ZNF532: variants seen among roughly 807,000 people sequenced by gnomAD.
ZNF532 encodes zinc finger protein 532.
ZNF532 carries 22 observed loss-of-function variants against 89.3 expected under a neutral mutation model. The observed-to-expected ratio is 0.25, with a 90% CI of 0.18 to 0.35. The LOEUF (loss-of-function observed/expected upper bound fraction) is 0.35. Ranked by LOEUF, ZNF532 falls within the 10% of genes least tolerant of loss-of-function variation. The pLI, the probability that ZNF532 is intolerant of heterozygous loss-of-function variation, is 1.00. For synonymous variants in ZNF532, 606 were observed against 649.6 expected, an observed-to-expected ratio of 0.93 and a Z score of 1.02; for missense variants, 1,132 against 1,643.4, an observed-to-expected ratio of 0.69 and a Z score of 5.38.
At chr18:58,891,968 G>A (rs1391469810) in intron 2 of ZNF532, among the ~76,000 whole-genome samples, 1 of 152,172 alleles carries the variant, frequency 6.6e-6, no homozygotes, top group Non-Finnish European at 1.5e-5. Context: ...TAAAATACCA[G>A]CCCCCACTCA....
intron 2 of ZNF532, among the ~76,000 whole-genome samples, chr18:58,897,968 T>A (rs937727869): frequency 6.6e-6 from 1 of 152,072 alleles, no homozygotes; most frequent in African/African-American, 2.4e-5. Flanking sequence ...AATAAATAAG[T>A]AAGTAAATAA....
intron 2 of ZNF532, among the ~76,000 whole-genome samples, chr18:58,903,126 C>A (rs975818070): frequency 5.9e-5 from 9 of 152,198 alleles, no homozygotes; most frequent in Non-Finnish European, 1.0e-4. Context: ...TGTGATACGG[C>A]TGTTAACTAT....
rs114199606 is a variant in ZNF532 at position 58,868,196 on chromosome 18, C to T, written c.-18+2617C>T. Among the ~76,000 whole-genome samples the T allele has an allele frequency of 1.6e-3, 239 of 152,334 alleles. 1 individual carries two copies. Among genetic ancestry groups the T allele is most frequent in the African/African-American group, 5.5e-3 (228 of 41,568 alleles). The stretch of plus-strand genomic sequence containing the variant: ...AAGGGAAACTGACTCCATTCCCCAT[C>T]ATGTACTCCTAATCCCAGGACCATC... On this transcript the variant is annotated intron_variant, in intron 2 of 9. Transcript: ENST00000591808.
At chr18:58,951,671 A>G (rs557434165) in intron 6 of ZNF532, among the ~76,000 whole-genome samples, 122 of 18,804 alleles carry the variant, frequency 6.5e-3, no homozygotes, top group African/African-American at 0.039. Flanking sequence ...TTTTTTTGAG[A>G]TGGAGTTTTG....
intron 4 of ZNF532, among the ~76,000 whole-genome samples, chr18:58,937,807 A>T (rs993051738): frequency 2.6e-5 from 4 of 152,232 alleles, no homozygotes; most frequent in African/African-American, 9.6e-5. Flanking sequence ...TGGCCCAGAG[A>T]GGAGCATTAA....
At chr18:58,923,680 T>A (rs2061308454) in intron 3 of ZNF532, among the ~76,000 whole-genome samples, 1 of 152,124 alleles carries the variant, frequency 6.6e-6, no homozygotes, top group African/African-American at 2.4e-5. Context: ...GTCACATGAC[T>A]GTTGGCCAGT....
chr18:58,910,062 C>T (rs1040783429), intron 2 of ZNF532, among the ~76,000 whole-genome samples: 3 of 148,570 alleles, frequency 2.0e-5, no homozygotes, highest in Non-Finnish European at 4.5e-5. Context: ...CATAGCAAGA[C>T]CCTGTCTCTA....
At chr18:58,888,785 A>ATATATAC (rs1568246462) in intron 2 of ZNF532, among the ~76,000 whole-genome samples, 1 of 43,058 alleles carries the variant, frequency 2.3e-5, no homozygotes, top group Non-Finnish European at 3.6e-5. Flanking sequence ...ATATATATAT[A>ATATATAC]AAATATATAT....
intron 7 of ZNF532, among the ~76,000 whole-genome samples, chr18:58,954,994 G>A (rs187608362): frequency 2.0e-5 from 3 of 152,274 alleles, no homozygotes; most frequent in African/African-American, 4.8e-5. Flanking sequence ...GATTACAGGC[G>A]TGAGCCACTG....
At chr18:58,876,815 C>T (rs768420458) in intron 2 of ZNF532, among the ~76,000 whole-genome samples, 7 of 152,216 alleles carry the variant, frequency 4.6e-5, no homozygotes, top group East Asian at 3.9e-4. Context: ...CCCAGCACTT[C>T]GGGAGGCTGA....
intron 3 of ZNF532, among the ~76,000 whole-genome samples, chr18:58,923,304 C>T (rs1025183175): frequency 1.3e-5 from 2 of 151,150 alleles, no homozygotes; most frequent in Non-Finnish European, 2.9e-5. Flanking sequence ...CCTCCTGTTC[C>T]TCGTCTCCCC....
intron 7 of ZNF532, among the ~76,000 whole-genome samples, chr18:58,966,724 A>G (rs978648349): frequency 2.7e-5 from 4 of 148,716 alleles, no homozygotes; most frequent in Admixed American, 6.7e-5. Context: ...TAGCCAGAAA[A>G]GGCATTTTTT....
At chr18:58,920,760 G>A in intron 3 of ZNF532, 127 bp downstream of exon 3, 1 of 631,860 alleles carries the variant, frequency 1.6e-6, no homozygotes, top group Non-Finnish European at 2.6e-6. Context: ...GTGTGTGTGT[G>A]TGTGTGTGTG....
rs550655910 is a variant in ZNF532 at position 58,951,225 on chromosome 18, G to A, written c.2869-2293G>A. 3.9e-5 allele frequency among the ~76,000 whole-genome samples: 6 copies of A among 152,316 alleles called. No homozygotes were observed. The South Asian group carries it at 1.2e-3, about 32-fold the overall frequency. On this transcript the variant is annotated intron_variant, in intron 6 of 9. Transcript: ENST00000591808. The stretch of plus-strand genomic sequence containing the variant: ...GATTCTCCTGCCTTGGCCTTCTGAA[G>A]TGCTGGGATTTACAGGCCTGAGCCA...
intron 6 of ZNF532, among the ~76,000 whole-genome samples, chr18:58,949,722 G>T (rs757159063): frequency 1.3e-5 from 2 of 152,178 alleles, no homozygotes; most frequent in African/African-American, 2.4e-5. Flanking sequence ...AGTTTAAAGC[G>T]CAAAGTCCCT....
intron 2 of ZNF532, among the ~76,000 whole-genome samples, chr18:58,907,333 G>A (rs891470648): frequency 3.3e-5 from 5 of 151,994 alleles, no homozygotes; most frequent in South Asian, 4.2e-4. Context: ...TTACAGACGC[G>A]TGCCACCACG....
At chr18:58,916,502 C>T (rs2060612208) in intron 2 of ZNF532, among the ~76,000 whole-genome samples, 1 of 152,162 alleles carries the variant, frequency 6.6e-6, no homozygotes, top group African/African-American at 2.4e-5. Context: ...TCTGTTTCCG[C>T]AGGCGCCCCT....
At chr18:58,915,493 G>A (rs1412303273) in intron 2 of ZNF532, among the ~76,000 whole-genome samples, 1 of 152,196 alleles carries the variant, frequency 6.6e-6, no homozygotes, top group Non-Finnish European at 1.5e-5. Context: ...TCAACCCCTT[G>A]AGGGGTTTGC....
chr18:58,942,189 A>C (rs1568381632), intron 5 of ZNF532, among the ~76,000 whole-genome samples: 1 of 150,996 alleles, frequency 6.6e-6, no homozygotes, highest in African/African-American at 2.4e-5. Context: ...CGCCTGGCTA[A>C]TTTTTTGTAT....
Sources: gnomAD v4.1 joint callset for allele counts (sites outside exome capture counted in the v4.1 genomes callset) on GRCh38, gnomAD v4.1.1 for gene constraint, MANE v1.5 for transcripts, NCBI Gene and HGNC (gene_info 2026-07-23, HGNC 2026-07-21) for gene names.